The following ITGAL variants were observed in gnomAD, a reference collection of about 807,000 sequenced individuals.
ITGAL encodes the protein integrin alpha-L.
Under a neutral mutation model 138.4 loss-of-function variants are expected in ITGAL, and 68 were observed. The ratio of observed to expected loss-of-function variants is 0.49; its 90% CI spans 0.40 to 0.60. ITGAL has a LOEUF of 0.60. ITGAL is among the 20% of genes least tolerant of loss of function. ITGAL has a pLI of 0.00. For synonymous variants in ITGAL, 561 were observed against 584.3 expected (o/e 0.96, Z 0.57); for missense variants, 1,256 against 1,478.6 (o/e 0.85, Z 2.47).
At chr16:30,510,039 T>TA (rs1348575714) in intron 21 of ITGAL, among the ~76,000 whole-genome samples, 105 of 116,120 alleles carry the variant, frequency 9.0e-4, no homozygotes, top group African/African-American at 3.0e-3. Context: ...ATCCTATATT[T>TA]AAAAAAAAAA....
intron 29 of ITGAL, 162 bp from the exon 30 acceptor site, chr16:30,519,695 C>A: frequency 3.1e-6 from 2 of 646,082 alleles, no homozygotes; most frequent in Middle Eastern, 5.2e-4. Flanking sequence ...CTCATGGCAG[C>A]GACTGCAATA....
chr16:30,518,587 T>C (rs1436627774), intron 28 of ITGAL, 37 bp from the exon 29 acceptor site: 2 of 1,453,744 alleles, frequency 1.4e-6, no homozygotes, highest in East Asian at 4.5e-5. Flanking sequence ...TCTGTCCTCG[T>C]TCTCCCGGGT....
Position 30,494,945 on chromosome 16 carries a change from G to T in ITGAL, c.1503+95G>T. ...GAAGGCTTTCTCTGTCTGGTCACGT[G>T]GCGATCAAACTTTTAGAACGACAGA... On this transcript the variant is annotated intron_variant, in intron 13 of 30. Transcript: ENST00000356798. The surrounding 1 kb of genome is among the most constrained non-coding windows in gnomAD (Gnocchi z 4.2). The T allele has an allele frequency of 7.1e-7, 1 of 1,406,566 alleles. No individual in the cohort carries two copies. The allele number at this position is 1,406,566 out of a possible 1,614,324, so 87.1% of individuals were successfully genotyped here. A position where few individuals can be genotyped will look rare whatever the true frequency, so the allele number is the denominator to read the frequency against.
At position 30,483,791 on chromosome 16, in the gene ITGAL, G is replaced by T. The variant is rs778380301; in HGVS notation, c.723-36G>T. On this transcript the variant is annotated intron_variant, in intron 7 of 30. Coordinates refer to ENST00000356798, the MANE Select transcript of ITGAL (RefSeq NM_002209.3). ...GGAAAGAGACCTCAGGCCCTAGTTT[G>T]GGGGAGTCTCTCATCTCCTCCTTTC... is the stretch of plus-strand genomic sequence containing the variant. 16 of 1,580,608 alleles carry T rather than the reference G, an allele frequency of 1.0e-5. No individual in the cohort carries two copies. The East Asian group carries it at 3.6e-4, about 36-fold the overall frequency.
chr16:30,499,509 T>C lies in ITGAL; in HGVS notation c.2145+20T>C. 6.2e-7 allele frequency: 1 copy of C among 1,610,930 alleles called. No homozygotes were observed. Among genetic ancestry groups the C allele is most frequent in the Non-Finnish European group, 8.5e-7 (1 of 1,178,450 alleles). On this transcript the variant is annotated intron_variant, in intron 17 of 30. Transcript: ENST00000356798. ...TTCCCGGTAAGGGAGCCAGCGCCAA[T>C]GCTCTGGGATGAGCTACCTGCAGGG...
At chr16:30,508,471 C>T (rs553875999) in intron 21 of ITGAL, among the ~76,000 whole-genome samples, 2 of 152,232 alleles carry the variant, frequency 1.3e-5, no homozygotes, top group African/African-American at 4.8e-5. Context: ...CCTTGGCCTC[C>T]CAAAGTGCTG....
rs772929479 is a variant in ITGAL, at chr16:30,504,167, A to T, written c.2146-8A>T. The T allele has an allele frequency of 1.2e-6, 2 of 1,602,724 alleles. No individual in the cohort carries two copies. The highest frequency in any genetic ancestry group is 2.2e-5 in the East Asian group (1 of 44,798). ...TCATGACATAGGCTGTATTCTTATC[A>T]CCCTCAGGTATGTGTTCAAGACCTC... On this transcript the variant is annotated splice_polypyrimidine_tract_variant and splice_region_variant and intron_variant, in intron 17 of 30. Coordinates refer to ENST00000356798, the MANE Select transcript of ITGAL (RefSeq NM_002209.3).
rs149903254 is a variant in ITGAL at position 30,517,000 on chromosome 16, C to T, written c.2890C>T (p.His964Tyr). The change falls in exon 26 of 31, where the codon CAC becomes TAC. Residue 964 changes from histidine to tyrosine, a missense_variant. His to Tyr is a moderately conservative substitution (Grantham distance 83). Transcript: ENST00000356798. ...GAGGATCCAGCCTTCCATCCACGAC[C>T]ACAACATACCCACCCTGGAGGCTGT... ...QVRIQPSIHDHNIPTLEAVVG... is the reference protein window; with the variant it reads ...QVRIQPSIHDYNIPTLEAVVG... 46 of 1,613,820 alleles carry T rather than the reference C, an allele frequency of 2.9e-5. No homozygotes were observed. The African/African-American group carries it at 4.5e-4, about 16-fold the overall frequency.
rs2051277197 is a variant in ITGAL, at chr16:30,523,038, A to T, written c.*1373A>T. ...TCAGGCTCTGCCCTGCCCTAGCTCC[A>T]CACCCTCTCCCAGGACCCATCACGC... On this transcript the variant is annotated 3_prime_UTR_variant, in exon 31 of 31. Coordinates refer to ENST00000356798, the MANE Select transcript of ITGAL (RefSeq NM_002209.3). The T allele has an allele frequency of 6.6e-6, 1 of 152,270 alleles. No individual in the cohort carries two copies. Among genetic ancestry groups the T allele is most frequent in the African/African-American group, 2.4e-5 (1 of 41,450 alleles). 9.4% of individuals were successfully genotyped at this position (152,270 alleles called of 1,614,324 possible). A position where few individuals can be genotyped will look rare whatever the true frequency, so the allele number is the denominator to read the frequency against.
intron 11 of ITGAL, among the ~76,000 whole-genome samples, chr16:30,491,294 G>A (rs1342907514): frequency 3.3e-5 from 5 of 151,760 alleles, no homozygotes; most frequent in South Asian, 2.1e-4. Flanking sequence ...CCAGCTACTC[G>A]GGAGGCTGAG....
intron 21 of ITGAL, among the ~76,000 whole-genome samples, chr16:30,510,036 AT>A (rs1397974730): frequency 3.3e-5 from 4 of 122,128 alleles, no homozygotes; most frequent in South Asian, 4.0e-4. Flanking sequence ...AAGATCCTAT[AT>A]TTAAAAAAAA....
intron 25 of ITGAL, among the ~76,000 whole-genome samples, chr16:30,514,198 C>T (rs1275685886): frequency 1.3e-5 from 2 of 152,154 alleles, no homozygotes; most frequent in Non-Finnish European, 2.9e-5. Flanking sequence ...GCAAACTCTG[C>T]CTCCCAAGTT....
chr16:30,503,632 A>G (rs1377365248), intron 17 of ITGAL, among the ~76,000 whole-genome samples: 1 of 151,790 alleles, frequency 6.6e-6, no homozygotes, highest in Non-Finnish European at 1.5e-5. Flanking sequence ...AGGAAGGAAA[A>G]GAGAAGAAAG....
rs199899094 is a variant in ITGAL, at chr16:30,503,052, TGATC to T, written c.2146-1122_2146-1119del. 5.0e-3 allele frequency among the ~76,000 whole-genome samples: 762 copies of T among 152,168 alleles called. 9 individuals carry two copies. The highest frequency in any genetic ancestry group is 0.017 in the African/African-American group (718 of 41,526). ...CTGGTCTCAAACTCCTGACCTCAGG[TGATC>T]CACCCACCTCGGCATCCCAAAGTGC... is the stretch of plus-strand genomic sequence containing the variant. On this transcript the variant is annotated intron_variant, in intron 17 of 30. Transcript: ENST00000356798.
rs1483387075 is a variant in ITGAL, at chr16:30,506,755, G to T, written c.2407G>T (p.Val803Leu). 6.2e-7 allele frequency: 1 copy of T among 1,613,856 alleles called. No homozygotes were observed. ...TCTAACTGCTTTTGCCAGCCTCTCT[G>T]TGGAGCTGAGCCTGAGTAACTTGGA... The part of the protein sequence containing the change: ...LRLTAFASLS[V>L]ELSLSNLEED... Residue 803 changes from valine (V) to leucine (L), a missense_variant, in exon 21 of 31, where the codon GTG becomes TTG. By Grantham distance (32) the Val-to-Leu change is conservative. Around this residue, in one of 3 missense-constraint regions of ITGAL, gnomAD observed 867 missense variants for 972.5 expected, o/e 0.89. Transcript: ENST00000356798.
In ITGAL at chr16:30,494,174, C is replaced by T; in HGVS notation, c.1214-38C>T. On this transcript the variant is annotated intron_variant, in intron 11 of 30. Coordinates refer to ENST00000356798, the MANE Select transcript of ITGAL (RefSeq NM_002209.3). This position sits in a 1 kb window ranked among gnomAD's most constrained non-coding sequence, Gnocchi z 4.2. Reference sequence around the variant, plus strand: ...TCCTGCTGGGTGTTCTTCCAGCATCCTGTGTTCCTAACTCCACACCCCACA... The same window carrying T: ...TCCTGCTGGGTGTTCTTCCAGCATCTTGTGTTCCTAACTCCACACCCCACA... 1 of 1,525,834 alleles carries T rather than the reference C, an allele frequency of 6.6e-7. No homozygotes were observed. The allele number at this position is 1,525,834 out of a possible 1,614,324, so 94.5% of individuals were successfully genotyped here.
At chr16:30,495,316 C>T (rs1172744542) in intron 13 of ITGAL, among the ~76,000 whole-genome samples, 1 of 152,144 alleles carries the variant, frequency 6.6e-6, no homozygotes, top group East Asian at 1.9e-4. Context: ...CCTGCCGCCA[C>T]ACCCAGCTAA....
intron 7 of ITGAL, among the ~76,000 whole-genome samples, chr16:30,481,810 C>G (rs2050563456): frequency 6.6e-6 from 1 of 152,212 alleles, no homozygotes; most frequent in East Asian, 1.9e-4. Context: ...GGTGCACAGT[C>G]TGTAATCCCA....
intron 9 of ITGAL, among the ~76,000 whole-genome samples, chr16:30,485,566 C>A (rs2050634901): frequency 1.3e-5 from 2 of 151,658 alleles, no homozygotes; most frequent in Admixed American, 1.3e-4. Flanking sequence ...ACTCTGTCAC[C>A]CAGGCTGGGG....
Sources: allele counts gnomAD v4.1 joint callset (sites outside exome capture counted in the v4.1 genomes callset), GRCh38; gene constraint gnomAD v4.1.1; regional missense constraint gnomAD v4.1.1; non-coding constraint Gnocchi (gnomAD v3.1); transcripts MANE v1.5; gene names NCBI Gene and HGNC (gene_info 2026-07-23, HGNC 2026-07-21).